The following ITIH5 variants were observed in gnomAD, a reference collection of about 807,000 sequenced individuals.
The protein encoded by ITIH5 is inter-alpha-trypsin inhibitor heavy chain H5.
ITIH5 carries 65 observed loss-of-function variants against 77.5 expected under a neutral mutation model. That is an observed-to-expected ratio of 0.84 (90% CI 0.69 to 1.03). The LOEUF (loss-of-function observed/expected upper bound fraction) is 1.03, where lower values mean the gene tolerates loss of function less well. ITIH5 is among the 50% of genes least tolerant of loss of function. The pLI, the probability that ITIH5 is intolerant of heterozygous loss-of-function variation, is 0.00. For missense variants in ITIH5, 1,208 were observed against 1,213.1 expected, an observed-to-expected ratio of 1.00 and a Z score of 0.06; for synonymous variants, 525 against 494.3, an observed-to-expected ratio of 1.06 and a Z score of -0.82.
intron 7 of ITIH5, among the ~76,000 whole-genome samples, chr10:7,603,376 A>G (rs991231605): frequency 6.6e-6 from 1 of 152,172 alleles, no homozygotes; most frequent in African/African-American, 2.4e-5. Context: ...GACTAGTAGT[A>G]GTCAAGGGCT....
At position 7,637,473 on chromosome 10, in the gene ITIH5, TTCTC is replaced by T. The variant is rs763407451; in HGVS notation, c.403_406del (p.Glu135ArgfsTer11). On this transcript the variant is annotated frameshift_variant and splice_region_variant, in exon 5 of 14. Transcript: ENST00000397146. LOFTEE classifies it high-confidence loss of function. ...AGAAGCTCTGAATATTTCAGTCCCC[TTCTC>T]TCTGTCAGGAAAAAGGAAAAGGACC... The T allele has an allele frequency of 6.2e-7, 1 of 1,613,626 alleles. No individual in the cohort carries two copies. Among genetic ancestry groups the T allele is most frequent in the Admixed American group, 1.7e-5 (1 of 59,892 alleles).
At chr10:7,587,682 C>T (rs1391951785) in intron 7 of ITIH5, among the ~76,000 whole-genome samples, 2 of 152,214 alleles carry the variant, frequency 1.3e-5, no homozygotes, top group Non-Finnish European at 2.9e-5. Flanking sequence ...CAGGGCCAGC[C>T]ACACAATCAG....
At chr10:7,645,174 G>C (rs76856358) in intron 2 of ITIH5, among the ~76,000 whole-genome samples, 1 of 151,764 alleles carries the variant, frequency 6.6e-6, no homozygotes, top group African/African-American at 2.4e-5. Context: ...TAACGAAAAC[G>C]TTAGGGGGAT....
chr10:7,611,256 T>C (rs1212426994), intron 7 of ITIH5, among the ~76,000 whole-genome samples: 1 of 152,272 alleles, frequency 6.6e-6, no homozygotes, highest in Non-Finnish European at 1.5e-5. Flanking sequence ...AACTAAATTA[T>C]TTTAAAGATT....
In ITIH5 at chr10:7,640,148, CAAAAA is replaced by C. The variant is rs56939703; in HGVS notation, c.401+601_401+605del. Among the ~76,000 whole-genome samples, 100 of 80,266 alleles carry C rather than the reference CAAAAA, an allele frequency of 1.2e-3. 1 individual carries two copies. The highest frequency in any genetic ancestry group is 4.7e-3 in the African/African-American group (97 of 20,576). The allele number at this position is 80,266 out of a possible 152,430, so 52.7% of individuals were successfully genotyped here. ...AATATTTAGAGTTAGGGGGTAACTA[CAAAAA>C]AAAAAAAAAAAAAAAAAACTACGTA... On this transcript the variant is annotated intron_variant, in intron 4 of 13. Coordinates refer to ENST00000397146, the MANE Select transcript of ITIH5 (RefSeq NM_030569.7).
chr10:7,628,986 G>T (rs1833649669), intron 5 of ITIH5, among the ~76,000 whole-genome samples: 1 of 131,474 alleles, frequency 7.6e-6, no homozygotes, highest in African/African-American at 2.7e-5. Flanking sequence ...TGTCCGTGTT[G>T]TGGCATGCAT....
intron 4 of ITIH5, 83 bp from the exon 5 acceptor site, chr10:7,637,561 C>T: frequency 7.2e-7 from 1 of 1,397,380 alleles, no homozygotes; most frequent in African/African-American, 1.4e-5. Context: ...GGGCACCAGC[C>T]ATACCCTCTC....
chr10:7,647,717 T>A (rs967551691), intron 2 of ITIH5, among the ~76,000 whole-genome samples: 5 of 152,232 alleles, frequency 3.3e-5, no homozygotes, highest in Non-Finnish European at 7.3e-5. Context: ...CACTTTGTTA[T>A]GTTTTGTAAA....
At chr10:7,657,902 G>A (rs542974602) in intron 1 of ITIH5, among the ~76,000 whole-genome samples, 36 of 152,346 alleles carry the variant, frequency 2.4e-4, no homozygotes, top group African/African-American at 8.7e-4. Context: ...CAAGTTCACA[G>A]TGACCAACAG....
chr10:7,575,845 C>G (rs1293950070), intron 10 of ITIH5, among the ~76,000 whole-genome samples: 1 of 152,168 alleles, frequency 6.6e-6, no homozygotes, highest in Non-Finnish European at 1.5e-5. Flanking sequence ...ATGCCTGAAA[C>G]CTGGCAAGCA....
At chr10:7,633,479 C>T (rs1053747540) in intron 5 of ITIH5, among the ~76,000 whole-genome samples, 1 of 152,012 alleles carries the variant, frequency 6.6e-6, no homozygotes, top group Non-Finnish European at 1.5e-5. Flanking sequence ...TTGAACTCCA[C>T]CCACAGTAAT....
At chr10:7,619,790 C>A in intron 5 of ITIH5, 1 of 165,372 alleles carries the variant, frequency 6.0e-6, no homozygotes, top group East Asian at 1.7e-4. Flanking sequence ...CCCACCAGGC[C>A]ACTCCTCCGA....
chr10:7,653,451 A>AC (rs1436952989), intron 2 of ITIH5, among the ~76,000 whole-genome samples: 3 of 151,498 alleles, frequency 2.0e-5, no homozygotes, highest in Admixed American at 2.0e-4. Flanking sequence ...CAGGTGATTC[A>AC]CCCCCCTCAG....
intron 11 of ITIH5, among the ~76,000 whole-genome samples, chr10:7,570,720 T>C (rs975516593): frequency 6.6e-6 from 1 of 152,212 alleles, no homozygotes; most frequent in Non-Finnish European, 1.5e-5. Flanking sequence ...ACTCCTGGGC[T>C]CAAACGGTCC....
intron 7 of ITIH5, chr10:7,609,490 A>G (rs1312579338): frequency 6.6e-6 from 3 of 456,728 alleles, no homozygotes; most frequent in East Asian, 6.9e-5. Context: ...GGAGAAACCA[A>G]TGTCCTAGAG....
At chr10:7,642,156 T>A in intron 2 of ITIH5, 66 bp from the exon 3 acceptor site, 1 of 1,252,956 alleles carries the variant, frequency 8.0e-7, no homozygotes, top group Non-Finnish European at 1.1e-6. Flanking sequence ...TAGTGGAACA[T>A]CTTTTTTTTT....
chr10:7,649,224 TTTC>T (rs939795277), intron 2 of ITIH5, among the ~76,000 whole-genome samples: 4 of 152,076 alleles, frequency 2.6e-5, no homozygotes, highest in African/African-American at 9.7e-5. Flanking sequence ...CTCTTTCTTC[TTTC>T]TTCTTCCTTC....
rs1832031370 is a variant in ITIH5 at position 7,561,043 on chromosome 10, G to A, written c.*2040C>T. 1 of 130,396 alleles carries A rather than the reference G, an allele frequency of 7.7e-6. No individual in the cohort carries two copies. Among genetic ancestry groups the A allele is most frequent in the African/African-American group, 2.9e-5 (1 of 34,728 alleles). 8.1% of individuals were successfully genotyped at this position (130,396 alleles called of 1,614,324 possible). A position where few individuals can be genotyped will look rare whatever the true frequency, so the allele number is the denominator to read the frequency against. On this transcript the variant is annotated 3_prime_UTR_variant, in exon 14 of 14. Transcript: ENST00000397146. ...GGGCTTTCAGGTACTGACCCCATTT[G>A]AAAAAAAAAAAAAAGATCTACACGT...
intron 11 of ITIH5, chr10:7,571,958 G>C: frequency 1.0e-6 from 1 of 989,880 alleles, no homozygotes; most frequent in Non-Finnish European, 1.2e-6. Context: ...AGTTTTCTGA[G>C]AGTTTCTATG....
Sources: allele counts gnomAD v4.1 joint callset (sites outside exome capture counted in the v4.1 genomes callset), GRCh38; gene constraint gnomAD v4.1.1; transcripts MANE v1.5; gene names NCBI Gene and HGNC (gene_info 2026-07-23, HGNC 2026-07-21).